SH3PXD2A: variants seen among roughly 807,000 people sequenced by gnomAD.
SH3PXD2A encodes SH3 and PX domain-containing protein 2A.
Under a neutral mutation model 115.2 loss-of-function variants are expected in SH3PXD2A, and 32 were observed. The ratio of observed to expected loss-of-function variants is 0.28; its 90% CI spans 0.21 to 0.37. The LOEUF is 0.37. Among genes scored for constraint, SH3PXD2A ranks in the 10% least tolerant of loss-of-function variants. SH3PXD2A has a pLI of 1.00. For missense variants in SH3PXD2A, 1,328 were observed against 1,498.7 expected (o/e 0.89, Z 1.88); for synonymous variants, 610 against 629.1 (o/e 0.97, Z 0.45).
chr10:103,855,258 G>A lies in SH3PXD2A; in HGVS notation c.9C>T (p.Ala3=), dbSNP rs752460049. ML[A]YCVQDATVVD... Reference sequence around the variant, plus strand: ...CCACGGTGGCATCCTGCACGCAGTAGGCGAGCATCTTCCCCCACAAAGCGA... The same window carrying A: ...CCACGGTGGCATCCTGCACGCAGTAAGCGAGCATCTTCCCCCACAAAGCGA... The change falls in exon 1 of 15, where the codon GCC becomes GCT. Residue 3 remains alanine (A), a synonymous_variant. Coordinates refer to ENST00000369774, the MANE Select transcript of SH3PXD2A (RefSeq NM_001394015.1). 4 of 1,519,772 alleles carry A rather than the reference G, an allele frequency of 2.6e-6. No individual in the cohort carries two copies. In the African/African-American group the frequency reaches 5.7e-5, roughly 22 times the overall value. The allele number at this position is 1,519,772 out of a possible 1,614,324, so 94.1% of individuals were successfully genotyped here.
chr10:103,613,408 T>C (rs1197077791), intron 11 of SH3PXD2A, among the ~76,000 whole-genome samples: 1 of 152,242 alleles, frequency 6.6e-6, no homozygotes, highest in Non-Finnish European at 1.5e-5. Flanking sequence ...TGCTCCTTTT[T>C]CTTTGCCTGA....
chr10:103,764,523 A>C (rs1403635682), intron 3 of SH3PXD2A, among the ~76,000 whole-genome samples: 2 of 152,186 alleles, frequency 1.3e-5, no homozygotes, highest in East Asian at 3.8e-4. Flanking sequence ...TCACATTTGC[A>C]TGGGAGCTGG....
At chr10:103,676,931 C>T (rs894428607) in intron 6 of SH3PXD2A, among the ~76,000 whole-genome samples, 1 of 152,216 alleles carries the variant, frequency 6.6e-6, no homozygotes, top group Non-Finnish European at 1.5e-5. Context: ...CTCCAGCTCC[C>T]CCAGAAGCCC....
chr10:103,811,762 G>C (rs1467981891), intron 1 of SH3PXD2A, among the ~76,000 whole-genome samples: 1 of 152,080 alleles, frequency 6.6e-6, no homozygotes, highest in Non-Finnish European at 1.5e-5. Context: ...ATCCTTGCGG[G>C]GATCAGCACT....
chr10:103,661,329 G>T (rs1167605354), intron 7 of SH3PXD2A, among the ~76,000 whole-genome samples: 1 of 152,260 alleles, frequency 6.6e-6, no homozygotes, highest in African/African-American at 2.4e-5. Flanking sequence ...GGGTCCGGGG[G>T]ACATGGGGAG....
chr10:103,798,416 C>T (rs541968089), intron 2 of SH3PXD2A, among the ~76,000 whole-genome samples: 1 of 152,188 alleles, frequency 6.6e-6, no homozygotes, highest in Admixed American at 6.5e-5. Context: ...CTCAAGTGAT[C>T]GTCCCACCTC....
chr10:103,853,962 G>T (rs988551315), intron 1 of SH3PXD2A, among the ~76,000 whole-genome samples: 1 of 152,128 alleles, frequency 6.6e-6, no homozygotes, highest in African/African-American at 2.4e-5. Flanking sequence ...ACTCTCTAAG[G>T]GTGTCAGGGA....
chr10:103,836,822 T>C (rs2039547152), intron 1 of SH3PXD2A, among the ~76,000 whole-genome samples: 1 of 152,202 alleles, frequency 6.6e-6, no homozygotes, highest in East Asian at 1.9e-4. Context: ...TAATGTCCAA[T>C]GCTCTGCCAA....
chr10:103,739,745 G>A (rs1305866604), intron 3 of SH3PXD2A, among the ~76,000 whole-genome samples: 1 of 152,212 alleles, frequency 6.6e-6, no homozygotes, highest in African/African-American at 2.4e-5. Context: ...GATTGCACGG[G>A]GCATGAGACA....
intron 1 of SH3PXD2A, among the ~76,000 whole-genome samples, chr10:103,842,000 C>G (rs1160136031): frequency 6.6e-6 from 1 of 151,996 alleles, no homozygotes; most frequent in Non-Finnish European, 1.5e-5. Context: ...TGGCGGGTGC[C>G]TGTAGTCCCA....
At chr10:103,689,973 C>T (rs148033062) in intron 6 of SH3PXD2A, among the ~76,000 whole-genome samples, 202 of 152,240 alleles carry the variant, frequency 1.3e-3, no homozygotes, top group African/African-American at 3.5e-3. Context: ...ATTTCCTCTG[C>T]GCAAATGTCC....
At chr10:103,838,186 TGTG>T (rs2039564155) in intron 1 of SH3PXD2A, among the ~76,000 whole-genome samples, 1 of 152,180 alleles carries the variant, frequency 6.6e-6, no homozygotes, top group Non-Finnish European at 1.5e-5. Flanking sequence ...ACAAACACCA[TGTG>T]GCCCTCTCAA....
At chr10:103,605,184 G>A (rs1035582863) in intron 14 of SH3PXD2A, among the ~76,000 whole-genome samples, 8 of 152,148 alleles carry the variant, frequency 5.3e-5, no homozygotes, top group Non-Finnish European at 7.4e-5. Flanking sequence ...GTTGGGGGTG[G>A]CGGGTGAGAG....
intron 5 of SH3PXD2A, among the ~76,000 whole-genome samples, chr10:103,722,690 G>C (rs746131125): frequency 4.6e-5 from 7 of 151,796 alleles, no homozygotes; most frequent in South Asian, 2.1e-4. Context: ...TGAGCCACTA[G>C]GGACCACAGG....
chr10:103,699,196 G>A (rs1473921915), intron 5 of SH3PXD2A, among the ~76,000 whole-genome samples: 7 of 152,126 alleles, frequency 4.6e-5, no homozygotes, highest in Admixed American at 3.9e-4. Flanking sequence ...GCCCCCTCAG[G>A]GGCTGGTGAC....
intron 2 of SH3PXD2A, among the ~76,000 whole-genome samples, chr10:103,775,561 A>T (rs892729156): frequency 9.8e-5 from 15 of 152,332 alleles, no homozygotes; most frequent in African/African-American, 3.4e-4. Context: ...GAGGAATGGC[A>T]GGGACTTATG....
chr10:103,638,247 G>A (rs2036896217), intron 8 of SH3PXD2A, among the ~76,000 whole-genome samples: 1 of 152,180 alleles, frequency 6.6e-6, no homozygotes, highest in African/African-American at 2.4e-5. Flanking sequence ...GGGCACCTGG[G>A]GCCTGGATTC....
intron 6 of SH3PXD2A, among the ~76,000 whole-genome samples, chr10:103,685,515 G>C (rs1451610777): frequency 1.3e-5 from 2 of 152,096 alleles, no homozygotes; most frequent in African/African-American, 4.8e-5. Context: ...GTCTGATTGA[G>C]GAGTCACTCC....
intron 8 of SH3PXD2A, among the ~76,000 whole-genome samples, chr10:103,652,520 A>G (rs1284065515): frequency 6.6e-6 from 1 of 152,208 alleles, no homozygotes; most frequent in Non-Finnish European, 1.5e-5. Flanking sequence ...CAACTGCTGA[A>G]GGGTGTAATA....
Sources: gnomAD v4.1 joint callset for allele counts (sites outside exome capture counted in the v4.1 genomes callset) on GRCh38, gnomAD v4.1.1 for gene constraint, MANE v1.5 for transcripts, NCBI Gene and HGNC (gene_info 2026-07-23, HGNC 2026-07-21) for gene names.